The following SSH2 variants were observed in gnomAD, a reference collection of about 807,000 sequenced individuals.
The protein encoded by SSH2 is slingshot protein phosphatase 2.
SSH2 carries 37 observed loss-of-function variants against 135.2 expected under a neutral mutation model. That is an observed-to-expected ratio of 0.27 (90% CI 0.21 to 0.36). The LOEUF is 0.36. SSH2 is among the 10% of genes least tolerant of loss of function. The pLI is 1.00. For missense variants in SSH2, 1,408 were observed against 1,765.3 expected (o/e 0.80, Z 3.63); for synonymous variants, 628 against 646.2 (o/e 0.97, Z 0.43).
At chr17:29,921,637 C>T (rs1365603945) in intron 1 of SSH2, among the ~76,000 whole-genome samples, 5 of 151,666 alleles carry the variant, frequency 3.3e-5, no homozygotes, top group African/African-American at 4.9e-5. Flanking sequence ...AGTGCTATGG[C>T]GAGGTCTTGG....
intron 3 of SSH2, among the ~76,000 whole-genome samples, chr17:29,733,109 T>C (rs937112989): frequency 5.3e-5 from 8 of 152,180 alleles, no homozygotes; most frequent in Admixed American, 3.3e-4. Context: ...CCAGCAGTCT[T>C]TTAGTTGACA....
intron 1 of SSH2, among the ~76,000 whole-genome samples, chr17:29,922,353 T>C (rs979972154): frequency 1.1e-4 from 16 of 151,602 alleles, no homozygotes; most frequent in Non-Finnish European, 5.9e-5. Context: ...ACAAATATAA[T>C]AGTTAATATT....
At chr17:29,761,424 G>C in intron 3 of SSH2, 2 of 1,015,000 alleles carry the variant, frequency 2.0e-6, no homozygotes, top group Non-Finnish European at 2.4e-6. Context: ...CGGCGGTAGA[G>C]TCCGGACTGA....
intron 3 of SSH2, among the ~76,000 whole-genome samples, chr17:29,708,993 A>AATATAT (rs374708601): frequency 0.016 from 1,048 of 65,670 alleles, 37 homozygotes; most frequent in African/African-American, 0.029. Context: ...CTAGTTAAGA[A>AATATAT]ATATATATAT....
intron 3 of SSH2, among the ~76,000 whole-genome samples, chr17:29,705,239 G>A (rs1194667101): frequency 1.3e-5 from 2 of 152,028 alleles, no homozygotes; most frequent in East Asian, 1.9e-4. Context: ...CTGGTCCATG[G>A]CACCAGCATT....
intron 3 of SSH2, among the ~76,000 whole-genome samples, chr17:29,735,916 G>A (rs559583522): frequency 6.6e-6 from 1 of 151,960 alleles, no homozygotes; most frequent in South Asian, 2.1e-4. Flanking sequence ...GGACAACGTG[G>A]AGAAACCCCA....
chr17:29,860,824 C>T (rs528902472), intron 1 of SSH2, among the ~76,000 whole-genome samples: 398 of 151,908 alleles, frequency 2.6e-3, no homozygotes, highest in Non-Finnish European at 5.0e-3. Flanking sequence ...CAGTTCACTG[C>T]AACATACACC....
chr17:29,930,206 G>A lies in SSH2; in HGVS notation c.-206C>T, dbSNP rs891958573. The A allele has an allele frequency of 1.8e-5, 10 of 561,402 alleles. No homozygotes were observed. The highest frequency in any genetic ancestry group is 1.7e-4 in the African/African-American group (9 of 51,612). The allele number at this position is 561,402 out of a possible 1,614,324, so 34.8% of individuals were successfully genotyped here. The stretch of plus-strand genomic sequence containing the variant: ...GCTCCGAACGGGCGGCGGGCGGGCG[G>A]TTCCGCAGCTGCGGGGCACAATGAG... On this transcript the variant is annotated 5_prime_UTR_variant, in exon 1 of 16. Coordinates refer to ENST00000540801, the MANE Select transcript of SSH2 (RefSeq NM_001282129.2).
chr17:29,640,427 A>C (rs1468429361), intron 14 of SSH2, among the ~76,000 whole-genome samples: 3 of 152,084 alleles, frequency 2.0e-5, no homozygotes, highest in Non-Finnish European at 4.4e-5. Context: ...CAGTCAGGAG[A>C]GAATGAGAGA....
chr17:29,784,411 C>A (rs908139598), intron 3 of SSH2, among the ~76,000 whole-genome samples: 1 of 150,910 alleles, frequency 6.6e-6, no homozygotes, highest in Non-Finnish European at 1.5e-5. Flanking sequence ...AATTGGGGGC[C>A]GAGGCAGGTG....
intron 2 of SSH2, among the ~76,000 whole-genome samples, chr17:29,810,560 AATAGTT>A (rs997913911): frequency 3.3e-5 from 5 of 151,606 alleles, no homozygotes; most frequent in African/African-American, 1.2e-4. Context: ...TTTCTCCCCA[AATAGTT>A]AATTGTTATT....
At chr17:29,803,132 T>C (rs754482593) in intron 2 of SSH2, among the ~76,000 whole-genome samples, 2 of 152,212 alleles carry the variant, frequency 1.3e-5, no homozygotes, top group Non-Finnish European at 2.9e-5. Context: ...GATCCACTGC[T>C]AGAAACAGAA....
chr17:29,749,115 C>T (rs2040849625), intron 3 of SSH2, among the ~76,000 whole-genome samples: 1 of 152,066 alleles, frequency 6.6e-6, no homozygotes, highest in Non-Finnish European at 1.5e-5. Flanking sequence ...AAGAAATGGC[C>T]TCAGCTTGAT....
chr17:29,859,528 A>G (rs1279704329), intron 1 of SSH2, among the ~76,000 whole-genome samples: 2 of 152,066 alleles, frequency 1.3e-5, no homozygotes. Flanking sequence ...GCTCCCACTT[A>G]TAAGAACATG....
chr17:29,644,299 T>A (rs972712806), intron 14 of SSH2, among the ~76,000 whole-genome samples: 4 of 152,128 alleles, frequency 2.6e-5, no homozygotes, highest in Non-Finnish European at 5.9e-5. Flanking sequence ...CTCCCCTAGC[T>A]CCCTCAGCAC....
chr17:29,652,032 C>T (rs565419624), intron 12 of SSH2, among the ~76,000 whole-genome samples: 12 of 152,216 alleles, frequency 7.9e-5, no homozygotes, highest in South Asian at 2.1e-4. Context: ...ATTCCAGCTA[C>T]TTGGGAGGCT....
chr17:29,907,820 T>C (rs926269400), intron 1 of SSH2, among the ~76,000 whole-genome samples: 1 of 54,614 alleles, frequency 1.8e-5, no homozygotes, highest in African/African-American at 3.7e-5. Flanking sequence ...GACAAAACCT[T>C]TTTTTTTTTT....
chr17:29,831,575 CTT>C (rs761921450), intron 2 of SSH2, among the ~76,000 whole-genome samples: 41 of 134,250 alleles, frequency 3.1e-4, no homozygotes, highest in Admixed American at 4.5e-4. Flanking sequence ...AACTGTTTAT[CTT>C]TTTTTTTTTT....
chr17:29,737,138 T>A lies in SSH2; in HGVS notation c.189-34076A>T, dbSNP rs190857296. ...AAAAAAAAAAAAAGGCTAATTTTTG[T>A]AACAGTTAACAATCCTCATCTATTT... On this transcript the variant is annotated intron_variant, in intron 3 of 15. Coordinates refer to ENST00000540801, the MANE Select transcript of SSH2 (RefSeq NM_001282129.2). Among the ~76,000 whole-genome samples, 697 of 148,884 alleles carry A rather than the reference T, an allele frequency of 4.7e-3. 4 individuals are homozygous for A. Among genetic ancestry groups the A allele is most frequent in the Non-Finnish European group, 8.2e-3 (554 of 67,420 alleles).
Sources: gnomAD v4.1 joint callset for allele counts (sites outside exome capture counted in the v4.1 genomes callset) on GRCh38, gnomAD v4.1.1 for gene constraint, MANE v1.5 for transcripts, NCBI Gene and HGNC (gene_info 2026-07-23, HGNC 2026-07-21) for gene names.